EIF3B: variants seen among roughly 807,000 people sequenced by gnomAD.
EIF3B encodes eukaryotic translation initiation factor 3 subunit 9.
A neutral mutation model predicts 104.6 loss-of-function variants in EIF3B; 10 were observed. The observed-to-expected ratio is 0.10, with a 90% CI of 0.06 to 0.16. The LOEUF (loss-of-function observed/expected upper bound fraction) is 0.16. Ranked by LOEUF, EIF3B falls within the 10% of genes least tolerant of loss-of-function variation. The pLI is 1.00. For synonymous variants in EIF3B, 542 were observed against 417.2 expected (o/e 1.30, Z -3.65); for missense variants, 1,014 against 1,087.9 (o/e 0.93, Z 0.96).
chr7:2,366,479 CCTTT>C (rs1562482837), intron 7 of EIF3B, 31 bp downstream of exon 7: 1 of 1,614,014 alleles, frequency 6.2e-7, no homozygotes. Flanking sequence ...AGCTCTGTAG[CCTTT>C]GTCTTTTCAT....
chr7:2,370,771 T>A (rs1420382641), intron 10 of EIF3B, among the ~76,000 whole-genome samples: 1 of 152,010 alleles, frequency 6.6e-6, no homozygotes, highest in Non-Finnish European at 1.5e-5. Flanking sequence ...TCTCCACAGA[T>A]AATTTTTAAA....
chr7:2,362,396 G>A (rs922620342), intron 2 of EIF3B, among the ~76,000 whole-genome samples: 1 of 152,192 alleles, frequency 6.6e-6, no homozygotes, highest in Non-Finnish European at 1.5e-5. Flanking sequence ...TGGACGTTTT[G>A]ATTAACTTTT....
Position 2,375,400 on chromosome 7 carries a change from C to T in EIF3B, c.1901C>T (p.Ala634Val). The T allele has an allele frequency of 1.2e-6, 2 of 1,614,196 alleles. No homozygotes were observed. Among genetic ancestry groups the T allele is most frequent in the Non-Finnish European group, 1.7e-6 (2 of 1,180,020 alleles). Residue 634 changes from alanine (A) to valine (V), a missense_variant, in exon 14 of 19, where the codon GCC (alanine) becomes GTC (valine). Physicochemically the swap from Ala to Val is moderately conservative, Grantham distance 64. This residue lies in a region of EIF3B where 266 missense variants were observed against 324.0 expected (regional missense o/e 0.82). Coordinates refer to ENST00000360876, the MANE Select transcript of EIF3B (RefSeq NM_001037283.2). ...GTCTGTCTTTGCAGTATGAACGGTGCCTTAGCGTTTGTGGACACTTCGGAC... is the reference window on the plus strand; with the variant it reads ...GTCTGTCTTTGCAGTATGAACGGTGTCTTAGCGTTTGTGGACACTTCGGAC... Reference protein sequence around the residue: ...VLAGLRSMNGALAFVDTSDCT... With the variant: ...VLAGLRSMNGVLAFVDTSDCT...
intron 6 of EIF3B, among the ~76,000 whole-genome samples, chr7:2,366,029 T>TA (rs1247614250): frequency 6.6e-6 from 1 of 152,126 alleles, no homozygotes; most frequent in African/African-American, 2.4e-5. Context: ...TGGGTAAAGA[T>TA]AGAGTTCCAC....
Position 2,366,340 on chromosome 7 carries a change from T to G in EIF3B, c.1181T>G (p.Leu394Arg). Reference sequence around the variant, plus strand: ...AGGTACCTGGTGACCTTTAGCCCCCTGATGGACACGCAGGATGACCCTCAG... The same window carrying G: ...AGGTACCTGGTGACCTTTAGCCCCCGGATGGACACGCAGGATGACCCTCAG... ...CERYLVTFSP[L>R]MDTQDDPQAI... The change falls in exon 7 of 19, where the codon CTG (leucine) becomes CGG (arginine). Residue 394 changes from leucine to arginine, a missense_variant. Physicochemically the swap from Leu to Arg is moderately radical, Grantham distance 102. Around this residue, in one of 4 missense-constraint regions of EIF3B, gnomAD observed 201 missense variants for 240.7 expected, o/e 0.83. Coordinates refer to ENST00000360876, the MANE Select transcript of EIF3B (RefSeq NM_001037283.2). The G allele has an allele frequency of 6.2e-7, 1 of 1,612,020 alleles. No individual in the cohort carries two copies. The highest frequency in any genetic ancestry group is 8.5e-7 in the Non-Finnish European group (1 of 1,179,112).
intron 1 of EIF3B, among the ~76,000 whole-genome samples, chr7:2,357,180 C>T (rs550379847): frequency 2.6e-5 from 4 of 152,300 alleles, no homozygotes; most frequent in African/African-American, 7.2e-5. Context: ...ATTTCTAATA[C>T]GTAGATTACT....
intron 1 of EIF3B, among the ~76,000 whole-genome samples, chr7:2,358,867 C>T (rs1779593467): frequency 6.6e-6 from 1 of 152,136 alleles, no homozygotes; most frequent in Non-Finnish European, 1.5e-5. Flanking sequence ...TCCAGCAGCC[C>T]TGCGAGGCAT....
chr7:2,362,831 C>T (rs1779811217), intron 3 of EIF3B, 67 bp downstream of exon 3: 13 of 1,602,164 alleles, frequency 8.1e-6, no homozygotes, highest in Non-Finnish European at 1.1e-5. Flanking sequence ...GTGCGGGTGG[C>T]TTGGTGCTTC....
intron 1 of EIF3B, 85 bp downstream of exon 1, chr7:2,355,505 A>G: frequency 1.4e-6 from 2 of 1,395,110 alleles, no homozygotes; most frequent in Non-Finnish European, 1.9e-6. Context: ...GGGCTGTGCC[A>G]CCGGTTCGTG....
rs751544118 is a variant in EIF3B at position 2,354,895 on chromosome 7, G to C, written c.-27G>C. ...GAGTCGGAAGCGCGGCGGCCGCGGA[G>C]CCCTGCGAGTAGGCAGCGTTGGGCC... On this transcript the variant is annotated 5_prime_UTR_variant, in exon 1 of 19. Transcript: ENST00000360876. 4 of 1,174,428 alleles carry C rather than the reference G, an allele frequency of 3.4e-6. No homozygotes were observed. Among genetic ancestry groups the C allele is most frequent in the Admixed American group, 9.3e-5 (2 of 21,516 alleles). The allele number at this position is 1,174,428 out of a possible 1,614,324, so 72.8% of individuals were successfully genotyped here.
chr7:2,365,494 A>G (rs1254918642), intron 6 of EIF3B, among the ~76,000 whole-genome samples: 1 of 152,056 alleles, frequency 6.6e-6, no homozygotes, highest in East Asian at 1.9e-4. Context: ...CTGGTGTTGT[A>G]AGGGACCGTC....
intron 6 of EIF3B, among the ~76,000 whole-genome samples, chr7:2,365,685 T>TG (rs1583162880): frequency 1.4e-5 from 2 of 140,570 alleles, no homozygotes; most frequent in African/African-American, 2.9e-5. Flanking sequence ...GTTTTGTTTT[T>TG]TTTTTTTTTG....
intron 10 of EIF3B, among the ~76,000 whole-genome samples, chr7:2,370,734 C>T (rs1381714117): frequency 6.6e-6 from 1 of 151,998 alleles, no homozygotes; most frequent in Non-Finnish European, 1.5e-5. Context: ...AGTTTCAGAC[C>T]AGCCTGGGAA....
chr7:2,361,478 G>T (rs748909733), intron 2 of EIF3B, among the ~76,000 whole-genome samples: 18 of 152,090 alleles, frequency 1.2e-4, no homozygotes, highest in Non-Finnish European at 1.9e-4. Context: ...GGAGTGCAGT[G>T]TCGCAATCTC....
chr7:2,379,313 T>C, intron 17 of EIF3B, 71 bp downstream of exon 17: 1 of 1,552,700 alleles, frequency 6.4e-7, no homozygotes. Flanking sequence ...GCCCGCGGAC[T>C]CCTGCGTTCC....
In EIF3B at chr7:2,378,888, G is replaced by T. The variant is rs1170951125; in HGVS notation, c.2232+122G>T. Reference sequence around the variant, plus strand: ...CCTCTGCTCCGAAGACACTGGTTCTGTTCCCCCCCAGGAGGGATGCACTGG... The same window carrying T: ...CCTCTGCTCCGAAGACACTGGTTCTTTTCCCCCCCAGGAGGGATGCACTGG... On this transcript the variant is annotated intron_variant, in intron 16 of 18. Coordinates refer to ENST00000360876, the MANE Select transcript of EIF3B (RefSeq NM_001037283.2). 5.3e-6 allele frequency: 5 copies of T among 938,948 alleles called. No individual in the cohort carries two copies. The highest frequency in any genetic ancestry group is 2.6e-5 in the East Asian group (1 of 38,214). 58.2% of individuals were successfully genotyped at this position (938,948 alleles called of 1,614,324 possible).
chr7:2,375,635 CTG>C, intron 14 of EIF3B, 108 bp downstream of exon 14: 11 of 1,494,396 alleles, frequency 7.4e-6, no homozygotes, highest in Non-Finnish European at 1.0e-5. Flanking sequence ...CACCAAGCCT[CTG>C]TGTTGAACAG....
intron 2 of EIF3B, 94 bp from the exon 3 acceptor site, chr7:2,362,551 C>G: frequency 6.6e-7 from 1 of 1,514,418 alleles, no homozygotes; most frequent in Non-Finnish European, 9.0e-7. Context: ...ACTCCTGGCA[C>G]CGAGGGCTTG....
chr7:2,367,161 C>T, intron 9 of EIF3B, 116 bp downstream of exon 9: 1 of 1,024,288 alleles, frequency 9.8e-7, no homozygotes, highest in Non-Finnish European at 1.4e-6. Flanking sequence ...GCTGAGATTT[C>T]TTTCTCCCAG....
Sources: allele counts gnomAD v4.1 joint callset (sites outside exome capture counted in the v4.1 genomes callset), GRCh38; gene constraint gnomAD v4.1.1; regional missense constraint gnomAD v4.1.1; transcripts MANE v1.5; gene names NCBI Gene and HGNC (gene_info 2026-07-23, HGNC 2026-07-21).